Variants in LRCH2 observed in about 807,000 individuals in gnomAD.
The protein encoded by LRCH2 is leucine rich repeats and calponin homology domain containing 2, also known as leucine-rich repeat and calponin homology domain-containing protein 2.
A neutral mutation model predicts 68.9 loss-of-function variants in LRCH2; 38 were observed. The observed-to-expected ratio is 0.55, with a 90% confidence interval of 0.43 to 0.72. LRCH2 has a LOEUF of 0.72. Among genes scored for constraint, LRCH2 ranks in the 30% least tolerant of loss-of-function variants. The probability of loss-of-function intolerance (pLI) is 0.00; values close to 1 mark genes in which losing one functional copy is unlikely to be tolerated. For synonymous variants in LRCH2, 191 were observed against 208.1 expected, an observed-to-expected ratio of 0.92 and a Z score of 0.71; for missense variants, 528 against 572.9, an observed-to-expected ratio of 0.92 and a Z score of 0.80.
chrX:115,149,947 T>C lies in LRCH2; in HGVS notation c.1579-4A>G. On this transcript the variant is annotated splice_region_variant and splice_polypyrimidine_tract_variant and intron_variant, in intron 13 of 20. Coordinates refer to ENST00000317135, the MANE Select transcript of LRCH2 (RefSeq NM_020871.4). ...GATCCTTCTGATTTTCTAAGGGCTA[T>C]AATGAGACAATTTATTTTAACTAAA... 8.5e-7 allele frequency: 1 copy of C among 1,170,530 alleles called. No individual in the cohort carries two copies. The highest frequency in any genetic ancestry group is 1.8e-5 in the African/African-American group (1 of 56,650).
intron 1 of LRCH2, among the ~76,000 whole-genome samples, chrX:115,202,433 A>G (rs1556566628): frequency 8.9e-6 from 1 of 111,912 alleles, no homozygotes; most frequent in African/African-American, 3.2e-5. Context: ...AATGTATGTT[A>G]TTTGGGTGAC....
chrX:115,203,055 A>C (rs1213144873), intron 1 of LRCH2, among the ~76,000 whole-genome samples: 1 of 112,111 alleles, frequency 8.9e-6, no homozygotes, highest in African/African-American at 3.2e-5. Context: ...AAAGAGGTTT[A>C]ATTGACTCAC....
intron 14 of LRCH2, among the ~76,000 whole-genome samples, chrX:115,136,503 T>C (rs2072291566): frequency 9.0e-6 from 1 of 111,003 alleles, no homozygotes. Context: ...TTGCCTTTTT[T>C]CCCCACATAT....
At chrX:115,186,070 C>G (rs2072728818) in intron 2 of LRCH2, among the ~76,000 whole-genome samples, 1 of 112,122 alleles carries the variant, frequency 8.9e-6, no homozygotes, top group Non-Finnish European at 1.9e-5. Context: ...CCTTAAAAAG[C>G]ATATTCAGGC....
chrX:115,211,320 T>C (rs1199537710), intron 1 of LRCH2, among the ~76,000 whole-genome samples: 1 of 111,703 alleles, frequency 9.0e-6, no homozygotes, highest in African/African-American at 3.3e-5. Context: ...TCATTAGATC[T>C]GCTGGTTTTA....
intron 20 of LRCH2, among the ~76,000 whole-genome samples, chrX:115,114,003 C>T (rs185914268): frequency 9.0e-6 from 1 of 111,044 alleles, no homozygotes; most frequent in Admixed American, 9.6e-5. Flanking sequence ...CCTTCCATAC[C>T]GATGGCTTCC....
chrX:115,166,425 A>G (rs1199522412), intron 6 of LRCH2, 83 bp from the exon 7 acceptor site: 32 of 575,684 alleles, frequency 5.6e-5, no homozygotes, highest in Non-Finnish European at 8.5e-5. Context: ...TTCCCTAGAT[A>G]ATACAGAATA....
At position 115,187,338 on chromosome X, in the gene LRCH2, AAAAAAAGAAAAAAATTCTAAAAT is replaced by A. The variant is rs1358300347; in HGVS notation, c.494+865_494+887del. The stretch of plus-strand genomic sequence containing the variant: ...AGGAGATTATCCCTTCCAACTGAAT[AAAAAAAGAAAAAAATTCTAAAAT>A]TAAGTCACAATATATCAATTTTCAT... On this transcript the variant is annotated intron_variant, in intron 2 of 20. Coordinates refer to ENST00000317135, the MANE Select transcript of LRCH2 (RefSeq NM_020871.4). Among the ~76,000 whole-genome samples the A allele has an allele frequency of 2.7e-5, 3 of 112,260 alleles. No individual in the cohort carries two copies. The East Asian group carries it at 8.3e-4, about 31-fold the overall frequency.
At chrX:115,115,962 C>T (rs1339208927) in intron 20 of LRCH2, among the ~76,000 whole-genome samples, 6 of 110,871 alleles carry the variant, frequency 5.4e-5, no homozygotes, top group Non-Finnish European at 1.1e-4. Context: ...ACATCATTAA[C>T]TACTAGGGAA....
At chrX:115,230,338 T>C (rs782782212) in intron 1 of LRCH2, among the ~76,000 whole-genome samples, 83 of 110,917 alleles carry the variant, frequency 7.5e-4, no homozygotes, top group African/African-American at 2.6e-3. Flanking sequence ...AGGTCATGAA[T>C]CTCCAATCAC....
chrX:115,189,851 T>A, intron 1 of LRCH2: 1 of 1,166,781 alleles, frequency 8.6e-7, no homozygotes, highest in African/African-American at 1.8e-5. Context: ...GCGGGGTATT[T>A]CGACCTGTGG....
At position 115,189,625 on chromosome X, in the gene LRCH2, G is replaced by A. The variant is rs368594263; in HGVS notation, c.350-1255C>T. 16 of 1,167,961 alleles carry A rather than the reference G, an allele frequency of 1.4e-5. No homozygotes were observed. Among genetic ancestry groups the A allele is most frequent in the South Asian group, 3.8e-5 (2 of 52,655 alleles). On this transcript the variant is annotated intron_variant, in intron 1 of 20. Coordinates refer to ENST00000317135, the MANE Select transcript of LRCH2 (RefSeq NM_020871.4). ...CGTCACCTTCGAAAGCCCTGCAGACGCCAAGGCTGCCGCCAGAGATATGAA... is the reference window on the plus strand; with the variant it reads ...CGTCACCTTCGAAAGCCCTGCAGACACCAAGGCTGCCGCCAGAGATATGAA...
chrX:115,160,280 C>T (rs2072509183), intron 11 of LRCH2, among the ~76,000 whole-genome samples: 1 of 110,790 alleles, frequency 9.0e-6, no homozygotes, highest in African/African-American at 3.3e-5. Flanking sequence ...TGCACCACTG[C>T]ACTCCAGCCT....
chrX:115,190,982 G>A (rs782487963), intron 1 of LRCH2: 44 of 1,160,933 alleles, frequency 3.8e-5, no homozygotes, highest in South Asian at 9.6e-5. Context: ...GAGGAGAACC[G>A]AGGCCACTCT....
intron 1 of LRCH2, chrX:115,190,503 A>G: frequency 8.6e-6 from 10 of 1,156,883 alleles, no homozygotes; most frequent in Non-Finnish European, 1.2e-5. Context: ...TCGTCTTGCC[A>G]GACGCCTACA....
At chrX:115,189,853 G>C in intron 1 of LRCH2, 2 of 1,166,664 alleles carry the variant, frequency 1.7e-6, no homozygotes, top group East Asian at 3.3e-5. Context: ...GGGGTATTTC[G>C]ACCTGTGGCC....
chrX:115,153,592 A>AT (rs2072450260), intron 12 of LRCH2, among the ~76,000 whole-genome samples: 1 of 111,301 alleles, frequency 9.0e-6, no homozygotes, highest in Admixed American at 9.6e-5. Context: ...TATGGTACAC[A>AT]TAACAGATAC....
intron 1 of LRCH2, among the ~76,000 whole-genome samples, chrX:115,219,917 G>GT (rs1165094222): frequency 1.8e-5 from 2 of 111,260 alleles, no homozygotes; most frequent in Admixed American, 1.9e-4. Context: ...GCCTATGTGG[G>GT]TACATGCAAG....
intron 1 of LRCH2, among the ~76,000 whole-genome samples, chrX:115,211,296 A>C (rs2073005508): frequency 9.0e-6 from 1 of 111,648 alleles, no homozygotes; most frequent in South Asian, 3.8e-4. Flanking sequence ...TGTTCTCATG[A>C]TAGTGAGTAA....
Sources: gnomAD v4.1 joint callset for allele counts (sites outside exome capture counted in the v4.1 genomes callset) on GRCh38, gnomAD v4.1.1 for gene constraint, MANE v1.5 for transcripts, NCBI Gene and HGNC (gene_info 2026-07-23, HGNC 2026-07-21) for gene names.